Variants in RBFOX1 observed in about 807,000 individuals in gnomAD.
RBFOX1 encodes the protein RNA binding fox-1 homolog 1, also known as RNA binding protein fox-1 homolog 1.
RBFOX1 carries 8 observed loss-of-function variants against 57.7 expected under a neutral mutation model. The ratio of observed to expected loss-of-function variants is 0.14; its 90% CI spans 0.08 to 0.25. The LOEUF (loss-of-function observed/expected upper bound fraction) is 0.25. Ranked by LOEUF, RBFOX1 falls within the 10% of genes least tolerant of loss-of-function variation. RBFOX1 has a pLI of 1.00. For missense variants in RBFOX1, 611 were observed against 548.5 expected (o/e 1.11, Z -1.14); for synonymous variants, 326 against 222.4 (o/e 1.47, Z -4.15).
At chr16:7,292,160 C>T (rs12447359) in intron 4 of RBFOX1, among the ~76,000 whole-genome samples, 33 of 122,188 alleles carry the variant, frequency 2.7e-4, no homozygotes, top group Non-Finnish European at 4.0e-4. Flanking sequence ...TAATATAGAA[C>T]GTATTATATA....
At chr16:5,640,427 A>G (rs1016179239) in intron 3 of RBFOX1, among the ~76,000 whole-genome samples, 2 of 152,096 alleles carry the variant, frequency 1.3e-5, no homozygotes, top group Admixed American at 1.3e-4. Context: ...ATGCACACAT[A>G]CACATGCACA....
At chr16:6,071,286 A>G (rs2095834516) in intron 1 of RBFOX1, among the ~76,000 whole-genome samples, 1 of 152,180 alleles carries the variant, frequency 6.6e-6, no homozygotes, top group Non-Finnish European at 1.5e-5. Flanking sequence ...GCACCATTGC[A>G]CTCCAGCCTG....
At chr16:5,643,656 G>C (rs962430115) in intron 3 of RBFOX1, among the ~76,000 whole-genome samples, 4 of 152,154 alleles carry the variant, frequency 2.6e-5, no homozygotes, top group African/African-American at 9.7e-5. Flanking sequence ...ATTTGATGTA[G>C]GAACTTCAGC....
intron 2 of RBFOX1, among the ~76,000 whole-genome samples, chr16:5,593,505 T>C (rs9927108): frequency 0.11 from 16,852 of 152,108 alleles, 1,178 homozygotes; most frequent in East Asian, 0.32. Context: ...AAAAAAAAGA[T>C]CTTTCTGATA....
At chr16:7,167,692 T>C (rs955824761) in intron 4 of RBFOX1, among the ~76,000 whole-genome samples, 2 of 152,242 alleles carry the variant, frequency 1.3e-5, no homozygotes, top group African/African-American at 2.4e-5. Context: ...AACTAAGGCC[T>C]GAGAGCCAAA....
rs1183168830 is a variant in RBFOX1, at chr16:5,833,494, C to CAAA, written c.319-33790_319-33788dup. ...TGGGCGACAGAGCGAGACTCTATCT[C>CAAA]AAAAAAAAAAAAAAAAAAAAAGAAA... On this transcript the variant is annotated intron_variant, in intron 3 of 19. Coordinates refer to the RBFOX1 transcript ENST00000641259. Among the ~76,000 whole-genome samples, 280 of 59,442 alleles carry CAAA rather than the reference C, an allele frequency of 4.7e-3. 2 individuals carry two copies. Among genetic ancestry groups the CAAA allele is most frequent in the African/African-American group, 0.014 (241 of 17,618 alleles). 39.0% of individuals were successfully genotyped at this position (59,442 alleles called of 152,430 possible).
At chr16:5,441,084 T>A (rs529078438) in intron 1 of RBFOX1, among the ~76,000 whole-genome samples, 1 of 152,170 alleles carries the variant, frequency 6.6e-6, no homozygotes, top group South Asian at 2.1e-4. Flanking sequence ...TGGGCCGTGG[T>A]TCAGACCTAG....
intron 5 of RBFOX1, among the ~76,000 whole-genome samples, chr16:7,575,502 C>T (rs1262379515): frequency 6.6e-6 from 1 of 152,062 alleles, no homozygotes; most frequent in Non-Finnish European, 1.5e-5. Context: ...GAAGTAGGGA[C>T]TGTGGACATT....
Position 6,402,445 on chromosome 16 carries a change from C to G in RBFOX1, c.-64+85388C>G, listed in dbSNP as rs181479816. Among the ~76,000 whole-genome samples, 158 of 152,238 alleles carry G rather than the reference C, an allele frequency of 1.0e-3. No homozygotes were observed. The Middle Eastern group carries it at 0.014, about 13-fold the overall frequency. ...CTTTTTTTTCCTTTGGATCTTTTAT[C>G]TTTTAATGCACTTTCATTGGAATTC... On this transcript the variant is annotated intron_variant, in intron 2 of 15. Transcript: ENST00000550418.
intron 2 of RBFOX1, among the ~76,000 whole-genome samples, chr16:6,342,014 A>C (rs1230260337): frequency 6.6e-6 from 1 of 152,214 alleles, no homozygotes; most frequent in Non-Finnish European, 1.5e-5. Context: ...AAATACTTAC[A>C]GGTTCCAGGA....
intron 3 of RBFOX1, among the ~76,000 whole-genome samples, chr16:7,043,380 C>G (rs1441259377): frequency 6.6e-6 from 1 of 152,108 alleles, no homozygotes; most frequent in East Asian, 1.9e-4. Context: ...CACCCCCTTT[C>G]ATTAGCACAG....
At chr16:7,682,287 G>A (rs1034761705) in intron 14 of RBFOX1, among the ~76,000 whole-genome samples, 1 of 152,034 alleles carries the variant, frequency 6.6e-6, no homozygotes, top group Non-Finnish European at 1.5e-5. Context: ...AAAATATAGT[G>A]AGAGCATTGT....
intron 5 of RBFOX1, among the ~76,000 whole-genome samples, chr16:7,520,067 G>C (rs1249557880): frequency 6.6e-6 from 1 of 151,830 alleles, no homozygotes; most frequent in African/African-American, 2.4e-5. Flanking sequence ...TTGTATTTTT[G>C]GTAGAGACGG....
chr16:5,980,400 G>C (rs9927875), intron 4 of RBFOX1, among the ~76,000 whole-genome samples: 2 of 151,874 alleles, frequency 1.3e-5, no homozygotes, highest in Admixed American at 6.6e-5. Flanking sequence ...TGCAGATAGC[G>C]TCAGTGGGAT....
intron 2 of RBFOX1, among the ~76,000 whole-genome samples, chr16:6,645,818 A>G (rs2098529696): frequency 6.6e-6 from 1 of 152,158 alleles, no homozygotes; most frequent in South Asian, 2.1e-4. Flanking sequence ...CTAGCCACAA[A>G]CGAGGCAACC....
intron 4 of RBFOX1, among the ~76,000 whole-genome samples, chr16:7,509,390 CTGTG>C (rs34760329): frequency 0.16 from 22,592 of 144,924 alleles, 2,038 homozygotes; most frequent in Non-Finnish European, 0.22. Flanking sequence ...GAGCCAAGCC[CTGTG>C]TGTGTGTGTG....
intron 4 of RBFOX1, among the ~76,000 whole-genome samples, chr16:7,109,484 AC>A (rs2064241834): frequency 6.6e-6 from 1 of 152,136 alleles, no homozygotes; most frequent in South Asian, 2.1e-4. Context: ...AAGGTGGTGC[AC>A]CTTTGGGCCC....
intron 6 of RBFOX1, among the ~76,000 whole-genome samples, chr16:7,585,901 C>CT (rs751980103): frequency 1.1e-4 from 17 of 152,124 alleles, no homozygotes; most frequent in Non-Finnish European, 1.9e-4. Context: ...TTGTTTGTTC[C>CT]TTTTTTATCC....
chr16:7,103,881 C>G (rs1224306291), intron 4 of RBFOX1, among the ~76,000 whole-genome samples: 1 of 152,112 alleles, frequency 6.6e-6, no homozygotes, highest in Non-Finnish European at 1.5e-5. Context: ...TGCAAAAGAA[C>G]ACACAAACAG....
Sources: allele counts gnomAD v4.1 joint callset (sites outside exome capture counted in the v4.1 genomes callset), GRCh38; gene constraint gnomAD v4.1.1; transcripts MANE v1.5; gene names NCBI Gene and HGNC (gene_info 2026-07-23, HGNC 2026-07-21).